TRPA1: variants seen among roughly 807,000 people sequenced by gnomAD.
The protein encoded by TRPA1 is ankyrin-like with transmembrane domains 1.
In TRPA1, 129 loss-of-function variants were observed where a neutral mutation model predicts 131.3. The ratio of observed to expected loss-of-function variants is 0.98; its 90% CI spans 0.85 to 1.14. TRPA1 has a LOEUF of 1.14. TRPA1 is among the 50% of genes most tolerant of loss of function. TRPA1 has a pLI of 0.00. For missense variants in TRPA1, 1,304 were observed against 1,354.2 expected (o/e 0.96, Z 0.58); for synonymous variants, 441 against 451.7 (o/e 0.98, Z 0.30).
Position 72,056,997 on chromosome 8 carries a change from C to A in TRPA1, c.1114G>T (p.Asp372Tyr), listed in dbSNP as rs781420846. ...TGCAGAAAATTACGTCCAAAATTAT[C>A]TTTTATGTCTACTTGGGCACCTAAA... Reference protein sequence around the residue: ...LSKGAQVDIKDNFGRNFLHLT... With the variant: ...LSKGAQVDIKYNFGRNFLHLT... Residue 372 changes from aspartate to tyrosine, a missense_variant, in exon 10 of 27, where the codon GAT (aspartate) becomes TAT (tyrosine). By Grantham distance (160) the Asp-to-Tyr change is radical. Transcript: ENST00000262209. 9.3e-6 allele frequency: 15 copies of A among 1,607,438 alleles called. No individual in the cohort carries two copies. The highest frequency in any genetic ancestry group is 6.7e-5 in the Admixed American group (4 of 59,688).
chr8:72,054,069 T>C (rs1805598355), intron 12 of TRPA1: 1 of 581,804 alleles, frequency 1.7e-6, no homozygotes, highest in South Asian at 2.0e-5. Flanking sequence ...CTAATGTGAT[T>C]CATACACGTT....
At chr8:72,040,751 TC>T (rs1812225494) in intron 17 of TRPA1, among the ~76,000 whole-genome samples, 1 of 152,048 alleles carries the variant, frequency 6.6e-6, no homozygotes. Flanking sequence ...AACAGACAGA[TC>T]CTAGGCAGTG....
At chr8:72,026,124 T>C (rs2305019) in intron 24 of TRPA1, 51 bp from the exon 25 acceptor site, 367,346 of 1,388,752 alleles carry the variant, frequency 0.26, 49,877 homozygotes, top group East Asian at 0.37. Context: ...GTATATGGAA[T>C]TTTTATATGG....
intron 17 of TRPA1, among the ~76,000 whole-genome samples, chr8:72,042,795 T>A (rs1055315833): frequency 3.3e-5 from 5 of 151,806 alleles, no homozygotes; most frequent in African/African-American, 1.2e-4. Context: ...GTAACTGAAA[T>A]AAGCCAGTCA....
the TRPA1 span, among the ~76,000 whole-genome samples, chr8:72,085,866 T>C: frequency 6.6e-6 from 1 of 152,100 alleles, no homozygotes; most frequent in South Asian, 2.1e-4. Flanking sequence ...CATTTTGTTT[T>C]AACCTTTACT....
chr8:72,075,499 G>A lies in TRPA1; in HGVS notation c.-90C>T, dbSNP rs546764733. 3 of 1,106,820 alleles carry A rather than the reference G, an allele frequency of 2.7e-6. No individual in the cohort carries two copies. The highest frequency in any genetic ancestry group is 3.5e-5 in the Admixed American group (2 of 57,824). The allele number at this position is 1,106,820 out of a possible 1,614,324, so 68.6% of individuals were successfully genotyped here. On this transcript the variant is annotated 5_prime_UTR_variant, in exon 1 of 27. Coordinates refer to ENST00000262209, the MANE Select transcript of TRPA1 (RefSeq NM_007332.3). ...GAGCGCTGTCAGCCTGCCAGGCGCT[G>A]GGGTCCGCGCGAGCCCGAGCTCTCC...
At chr8:72,051,709 A>G (rs149919229) in intron 14 of TRPA1, among the ~76,000 whole-genome samples, 148 of 152,326 alleles carry the variant, frequency 9.7e-4, no homozygotes, top group African/African-American at 3.4e-3. Flanking sequence ...GCCCTCGTGC[A>G]TAACTATCAG....
chr8:72,088,769 G>A, the TRPA1 span, among the ~76,000 whole-genome samples: 11 of 152,096 alleles, frequency 7.2e-5, no homozygotes, highest in Non-Finnish European at 1.0e-4. Context: ...GGTAATCAGA[G>A]AAACTTAATG....
chr8:72,033,922 CTTT>C, intron 22 of TRPA1, 96 bp from the exon 23 acceptor site: 2 of 1,248,744 alleles, frequency 1.6e-6, no homozygotes, highest in Non-Finnish European at 2.3e-6. Context: ...ATTCAGAATA[CTTT>C]TTTAAAGTCA....
At chr8:72,035,419 T>C (rs368614630) in intron 21 of TRPA1, among the ~76,000 whole-genome samples, 1 of 152,124 alleles carries the variant, frequency 6.6e-6, no homozygotes, top group African/African-American at 2.4e-5. Context: ...GCAGAAGATA[T>C]ATGGTGAAAA....
intron 23 of TRPA1, among the ~76,000 whole-genome samples, chr8:72,032,279 G>T (rs1487859571): frequency 6.6e-6 from 1 of 152,204 alleles, no homozygotes; most frequent in African/African-American, 2.4e-5. Context: ...CACTATGGTG[G>T]CCATTTGTAG....
chr8:72,041,622 A>C (rs1435341424), intron 17 of TRPA1, among the ~76,000 whole-genome samples: 4 of 151,952 alleles, frequency 2.6e-5, no homozygotes, highest in African/African-American at 7.2e-5. Context: ...AAATAGGTCA[A>C]AGACAAAATA....
chr8:72,067,967 G>A (rs936986437), intron 3 of TRPA1, among the ~76,000 whole-genome samples: 2 of 152,186 alleles, frequency 1.3e-5, no homozygotes, highest in African/African-American at 4.8e-5. Context: ...ACTTGAATTA[G>A]TAAGACACAC....
chr8:72,065,629 G>T, intron 3 of TRPA1, 71 bp from the exon 4 acceptor site: 2 of 1,105,534 alleles, frequency 1.8e-6, no homozygotes, highest in Non-Finnish European at 1.4e-6. Context: ...TTCCACTAGA[G>T]TTTAAGTTTT....
upstream of TRPA1, among the ~76,000 whole-genome samples, chr8:72,078,573 C>CTA (rs1806231446): frequency 6.6e-6 from 1 of 152,090 alleles, no homozygotes; most frequent in Non-Finnish European, 1.5e-5. Context: ...CCACATTGTA[C>CTA]TATATATCAG....
chr8:72,040,250 T>TA (rs1399074137), intron 17 of TRPA1, among the ~76,000 whole-genome samples: 3 of 152,144 alleles, frequency 2.0e-5, no homozygotes, highest in Non-Finnish European at 4.4e-5. Flanking sequence ...AGTATTTATT[T>TA]AAAAATTAGT....
intron 5 of TRPA1, 82 bp from the exon 6 acceptor site, chr8:72,063,026 G>A (rs1408001472): frequency 4.4e-6 from 6 of 1,358,436 alleles, no homozygotes; most frequent in South Asian, 1.3e-5. Context: ...TATGAACAAA[G>A]GTAAAAAAAC....
chr8:72,023,123 G>A lies in TRPA1; in HGVS notation c.3150-7C>T, dbSNP rs1307405223. 1 of 1,611,290 alleles carries A rather than the reference G, an allele frequency of 6.2e-7. No individual in the cohort carries two copies. Among genetic ancestry groups the A allele is most frequent in the East Asian group, 2.2e-5 (1 of 44,832 alleles). On this transcript the variant is annotated splice_region_variant and splice_polypyrimidine_tract_variant and intron_variant, in intron 26 of 26. Transcript: ENST00000262209. ...AAAAGTAAGATCCTTCAGCCTAAAA[G>A]GACATACACATTTCATGAATTTATT...
intron 17 of TRPA1, among the ~76,000 whole-genome samples, chr8:72,045,905 T>A (rs1308757678): frequency 6.6e-6 from 1 of 152,058 alleles, no homozygotes; most frequent in African/African-American, 2.4e-5. Context: ...GAAATTTAAG[T>A]CTATGCTGTG....
Sources: gnomAD v4.1 joint callset for allele counts (sites outside exome capture counted in the v4.1 genomes callset) on GRCh38, gnomAD v4.1.1 for gene constraint, MANE v1.5 for transcripts, NCBI Gene and HGNC (gene_info 2026-07-23, HGNC 2026-07-21) for gene names.